The following XPNPEP1 variants were observed in gnomAD, a reference collection of about 807,000 sequenced individuals.
The protein encoded by XPNPEP1 is xaa-Pro aminopeptidase 1.
A neutral mutation model predicts 92.4 loss-of-function variants in XPNPEP1; 39 were observed. The observed-to-expected ratio is 0.42, with a 90% CI of 0.33 to 0.55. XPNPEP1 has a LOEUF of 0.55. Among genes scored for constraint, XPNPEP1 ranks in the 20% least tolerant of loss-of-function variants. XPNPEP1 has a pLI of 0.08. For missense variants in XPNPEP1, 654 were observed against 856.1 expected (o/e 0.76, Z 2.95); for synonymous variants, 307 against 299.4 (o/e 1.03, Z -0.26).
rs564633067 is a variant in XPNPEP1 at position 109,864,772 on chromosome 10, T to C, written c.*412A>G. 1.6e-4 allele frequency: 30 copies of C among 192,154 alleles called. 1 individual carries two copies. The highest frequency in any genetic ancestry group is 1.4e-3 in the Admixed American group (26 of 18,804). 11.9% of individuals were successfully genotyped at this position (192,154 alleles called of 1,614,324 possible). On this transcript the variant is annotated 3_prime_UTR_variant, in exon 21 of 21. Coordinates refer to ENST00000502935, the MANE Select transcript of XPNPEP1 (RefSeq NM_020383.4). ...AGAGACAGCTAAGACAAAGCACAGT[T>C]CTGACATTTTTATTCACTGATCATA...
rs968965794 is a variant in XPNPEP1, at chr10:109,922,921, G to A, written c.32+481C>T. On this transcript the variant is annotated intron_variant, in intron 1 of 20. Coordinates refer to ENST00000502935, the MANE Select transcript of XPNPEP1 (RefSeq NM_020383.4). Reference sequence around the variant, plus strand: ...TTTGGGTAGGGAGGGGCCCGCGACCGTCTATCCTTGTGGCGGTGACAGATC... The same window carrying A: ...TTTGGGTAGGGAGGGGCCCGCGACCATCTATCCTTGTGGCGGTGACAGATC... Among the ~76,000 whole-genome samples the A allele has an allele frequency of 3.9e-5, 6 of 152,344 alleles. No homozygotes were observed. In the East Asian group the frequency reaches 1.2e-3, roughly 29 times the overall value.
chr10:109,877,691 G>T, intron 14 of XPNPEP1, 99 bp downstream of exon 14: 1 of 1,370,394 alleles, frequency 7.3e-7, no homozygotes. Context: ...ACAGATGAAG[G>T]TGGGCACAGA....
At chr10:109,887,447 A>G (rs751877305) in intron 7 of XPNPEP1, among the ~76,000 whole-genome samples, 2 of 152,094 alleles carry the variant, frequency 1.3e-5, no homozygotes, top group South Asian at 2.1e-4. Context: ...ATCTGCCTAC[A>G]TTCCACAGCC....
In XPNPEP1 at chr10:109,891,815, T is replaced by C; in HGVS notation, c.322A>G (p.Ile108Val). ...GFDGSAGTAI[I>V]TEEHAAMWTD... ...CACATGGCTGCATGCTCTTCTGTGA[T>C]GATGGCTGTGCCTGAAGCAGGGGAG... is the stretch of plus-strand genomic sequence containing the variant. The change falls in exon 5 of 21, where the codon ATC becomes GTC. Residue 108 changes from isoleucine to valine, a missense_variant. Transcript: ENST00000502935. 1 of 1,611,062 alleles carries C rather than the reference T, an allele frequency of 6.2e-7. No individual in the cohort carries two copies. The highest frequency in any genetic ancestry group is 1.1e-5 in the South Asian group (1 of 90,542).
chr10:109,870,661 T>C (rs1589542484), intron 18 of XPNPEP1, 70 bp downstream of exon 18: 3 of 1,514,226 alleles, frequency 2.0e-6, no homozygotes, highest in African/African-American at 1.4e-5. Context: ...AATTAAAAAA[T>C]ACAAAACAAC....
intron 20 of XPNPEP1, among the ~76,000 whole-genome samples, chr10:109,866,857 G>C (rs982149642): frequency 6.6e-6 from 1 of 152,246 alleles, no homozygotes; most frequent in Non-Finnish European, 1.5e-5. Context: ...AATCATGTGG[G>C]CATGCAAGGT....
At position 109,915,033 on chromosome 10, in the gene XPNPEP1, T is replaced by A; in HGVS notation, c.99A>T (p.Ser33=). The change falls in exon 2 of 21, where the codon TCA becomes TCT. Residue 33 remains serine (S), a synonymous_variant. Coordinates refer to ENST00000502935, the MANE Select transcript of XPNPEP1 (RefSeq NM_020383.4). Reference sequence around the variant, plus strand: ...TACCTGTTTCCACACCTGTGTCTCCTGAGTGTGTCACCTCGTTAGGTTCAA... The same window carrying A: ...TACCTGTTTCCACACCTGTGTCTCCAGAGTGTGTCACCTCGTTAGGTTCAA... ...RIIEPNEVTH[S]GDTGVETDGR... is the part of the protein sequence containing the mutation. The A allele has an allele frequency of 6.5e-7, 1 of 1,531,200 alleles. No homozygotes were observed. The highest frequency in any genetic ancestry group is 8.7e-7 in the Non-Finnish European group (1 of 1,143,466). The allele number at this position is 1,531,200 out of a possible 1,614,324, so 94.9% of individuals were successfully genotyped here.
intron 1 of XPNPEP1, among the ~76,000 whole-genome samples, chr10:109,922,751 G>A (rs950330147): frequency 1.3e-5 from 2 of 152,294 alleles, no homozygotes; most frequent in Non-Finnish European, 2.9e-5. Context: ...GTTATGGCAG[G>A]GGAATAAACT....
chr10:109,914,957 G>T, intron 2 of XPNPEP1, 54 bp downstream of exon 2: 1 of 1,213,806 alleles, frequency 8.2e-7, no homozygotes, highest in South Asian at 1.6e-5. Flanking sequence ...GGTTGGGGTG[G>T]AGATCTAAAA....
chr10:109,866,142 T>A (rs916638747), intron 20 of XPNPEP1, among the ~76,000 whole-genome samples: 5 of 152,236 alleles, frequency 3.3e-5, no homozygotes, highest in African/African-American at 1.2e-4. Flanking sequence ...GATAGTGCCA[T>A]GGCTGTGCTT....
intron 3 of XPNPEP1, among the ~76,000 whole-genome samples, chr10:109,896,670 T>C (rs1207217828): frequency 6.6e-6 from 1 of 152,082 alleles, no homozygotes; most frequent in Non-Finnish European, 1.5e-5. Flanking sequence ...AGGGTATCTG[T>C]CCTGTCCCTG....
chr10:109,868,790 T>C, intron 19 of XPNPEP1, 78 bp from the exon 20 acceptor site: 1 of 1,374,806 alleles, frequency 7.3e-7, no homozygotes. Context: ...TCCACCAGCA[T>C]GCCATCCCTC....
chr10:109,896,801 C>T (rs1039454273), intron 3 of XPNPEP1, among the ~76,000 whole-genome samples: 7 of 151,998 alleles, frequency 4.6e-5, no homozygotes, highest in Non-Finnish European at 7.4e-5. Flanking sequence ...CGAAGATGGA[C>T]GAAGGGACCA....
chr10:109,872,554 C>G (rs537581000), intron 16 of XPNPEP1, among the ~76,000 whole-genome samples: 118 of 152,324 alleles, frequency 7.7e-4, no homozygotes, highest in African/African-American at 2.7e-3. Flanking sequence ...GACGCAAGGT[C>G]CAAATTCTTC....
chr10:109,919,619 T>C (rs1272237439), intron 1 of XPNPEP1, among the ~76,000 whole-genome samples: 1 of 152,234 alleles, frequency 6.6e-6, no homozygotes, highest in African/African-American at 2.4e-5. Context: ...TAAAAAGTTG[T>C]ACACAAATAT....
intron 6 of XPNPEP1, 42 bp downstream of exon 6, chr10:109,888,461 G>A (rs1848523051): frequency 1.3e-6 from 2 of 1,556,396 alleles, no homozygotes; most frequent in Admixed American, 1.8e-5. Context: ...GAATCTAGAA[G>A]CCACTTCCTT....
At chr10:109,866,171 G>T (rs1044175281) in intron 20 of XPNPEP1, among the ~76,000 whole-genome samples, 1 of 152,198 alleles carries the variant, frequency 6.6e-6, no homozygotes, top group Non-Finnish European at 1.5e-5. Context: ...TGAGTCAAAG[G>T]CCATTTTGGA....
chr10:109,884,014 T>A, intron 9 of XPNPEP1, 53 bp downstream of exon 9: 1 of 1,564,948 alleles, frequency 6.4e-7, no homozygotes. Context: ...AAGGGCACAC[T>A]AGGGCTCTGA....
chr10:109,916,908 C>T (rs1850223689), intron 1 of XPNPEP1, among the ~76,000 whole-genome samples: 1 of 152,122 alleles, frequency 6.6e-6, no homozygotes, highest in African/African-American at 2.4e-5. Context: ...GCAGAAAAAG[C>T]ACGACAAAAT....
Sources: gnomAD v4.1 joint callset for allele counts (sites outside exome capture counted in the v4.1 genomes callset) on GRCh38, gnomAD v4.1.1 for gene constraint, MANE v1.5 for transcripts, NCBI Gene and HGNC (gene_info 2026-07-23, HGNC 2026-07-21) for gene names.